The following NOTCH1 variants were observed in gnomAD, a reference collection of about 807,000 sequenced individuals.
NOTCH1 encodes the protein neurogenic locus notch homolog protein 1.
A neutral mutation model predicts 254.8 loss-of-function variants in NOTCH1; 37 were observed. The observed-to-expected ratio is 0.15, with a 90% CI of 0.11 to 0.19. The LOEUF (loss-of-function observed/expected upper bound fraction) is 0.19, where lower values mean the gene tolerates loss of function less well. Ranked by LOEUF, NOTCH1 falls within the 10% of genes least tolerant of loss-of-function variation. The pLI is 1.00. For missense variants in NOTCH1, 2,972 were observed against 3,708.6 expected, an observed-to-expected ratio of 0.80 and a Z score of 5.16; for synonymous variants, 1,731 against 1,618.1, an observed-to-expected ratio of 1.07 and a Z score of -1.68.
intron 31 of NOTCH1, 125 bp downstream of exon 31, chr9:136,500,427 C>A (rs1842977134): frequency 2.5e-6 from 3 of 1,195,816 alleles, no homozygotes; most frequent in Non-Finnish European, 3.6e-6. Context: ...GGTGGAGGCA[C>A]CAGTTGTCCC....
rs376982757 is a variant in NOTCH1, at chr9:136,517,254, G to A, written c.1555+18C>T. 4 of 1,522,498 alleles carry A rather than the reference G, an allele frequency of 2.6e-6. No individual in the cohort carries two copies. In the South Asian group the frequency reaches 4.7e-5, roughly 18 times the overall value. 94.3% of individuals were successfully genotyped at this position (1,522,498 alleles called of 1,614,324 possible). A position where few individuals can be genotyped will look rare whatever the true frequency, so the allele number is the denominator to read the frequency against. On this transcript the variant is annotated intron_variant, in intron 9 of 33. Transcript: ENST00000651671. ...GGGTGCAGACGACCCGGGGGCAGGG[G>A]GCGGGGGTGGCCCTCACCCGTGGGG...
intron 2 of NOTCH1, chr9:136,543,274 A>C (rs1843758586): frequency 9.5e-6 from 2 of 209,798 alleles, no homozygotes. Flanking sequence ...CTGTGCCTAG[A>C]GGAGGCATCA....
chr9:136,521,500 C>G (rs1006702564), intron 4 of NOTCH1, among the ~76,000 whole-genome samples: 4 of 152,174 alleles, frequency 2.6e-5, no homozygotes, highest in Non-Finnish European at 5.9e-5. Flanking sequence ...GCTCTGCACA[C>G]AGGTGGCCTT....
rs193221872 is a variant in NOTCH1 at position 136,539,452 on chromosome 9, G to A, written c.140+4572C>T. ...CACCCAGGCTGGAGTGCAGTGGCACGATCTCAGCTCACTGCAGCCTCCGTC... is the reference window on the plus strand; with the variant it reads ...CACCCAGGCTGGAGTGCAGTGGCACAATCTCAGCTCACTGCAGCCTCCGTC... On this transcript the variant is annotated intron_variant, in intron 2 of 33. Transcript: ENST00000651671. 1.2e-4 allele frequency among the ~76,000 whole-genome samples: 18 copies of A among 152,256 alleles called. No homozygotes were observed. In the East Asian group the frequency reaches 3.3e-3, roughly 28 times the overall value.
rs1172695418 is a variant in NOTCH1, at chr9:136,522,888, G to C, written c.704C>G (p.Pro235Arg). 6.5e-7 allele frequency: 1 copy of C among 1,532,294 alleles called. No homozygotes were observed. Among genetic ancestry groups the C allele is most frequent in the South Asian group, 1.2e-5 (1 of 82,918 alleles). The allele number at this position is 1,532,294 out of a possible 1,614,324, so 94.9% of individuals were successfully genotyped here. The change falls in exon 4 of 34, where the codon CCC (proline) becomes CGC (arginine). Residue 235 changes from proline (P) to arginine (R), a missense_variant. This residue lies in a region of NOTCH1 where 374 missense variants were observed against 496.3 expected (regional missense o/e 0.75). Coordinates refer to ENST00000651671, the MANE Select transcript of NOTCH1 (RefSeq NM_017617.5). ...ACACTCGTGGGTGACGTCGCCCGTG[G>C]GGCGGCAGGTGCCCCCGTTCTGGCA... Reference protein sequence around the residue: ...SPCQNGGTCRPTGDVTHECAC... With the variant: ...SPCQNGGTCRRTGDVTHECAC...
intron 27 of NOTCH1, chr9:136,502,780 T>C (rs1843019579): frequency 1.8e-6 from 1 of 569,458 alleles, no homozygotes; most frequent in Admixed American, 3.0e-5. Context: ...ACTGAGCTGT[T>C]AAGACAAAGG....
At chr9:136,532,935 C>T (rs1186905538) in intron 2 of NOTCH1, among the ~76,000 whole-genome samples, 3 of 152,236 alleles carry the variant, frequency 2.0e-5, no homozygotes, top group Non-Finnish European at 4.4e-5. Flanking sequence ...ACCCACCTGC[C>T]TCCACCTCCA....
intron 31 of NOTCH1, among the ~76,000 whole-genome samples, chr9:136,500,215 G>C (rs901632062): frequency 6.6e-6 from 1 of 152,204 alleles, no homozygotes. Flanking sequence ...GCGGGGCTGC[G>C]AGGGGCTGCA....
rs543361996 is a variant in NOTCH1, at chr9:136,504,589, C to T, written c.5018+84G>A. The T allele has an allele frequency of 6.3e-5, 86 of 1,363,158 alleles. 1 individual carries two copies. The East Asian group carries it at 1.2e-3, about 20-fold the overall frequency. The allele number at this position is 1,363,158 out of a possible 1,614,324, so 84.4% of individuals were successfully genotyped here. A position where few individuals can be genotyped will look rare whatever the true frequency, so the allele number is the denominator to read the frequency against. On this transcript the variant is annotated intron_variant, in intron 26 of 33. Coordinates refer to ENST00000651671, the MANE Select transcript of NOTCH1 (RefSeq NM_017617.5). ...GTGGGGAGAGTACTGCTTGCCATGG[C>T]GCCGGCCGTGAGGGGCAGGGAGGCC...
chr9:136,519,666 C>T, intron 4 of NOTCH1, 101 bp from the exon 5 acceptor site: 22 of 1,579,430 alleles, frequency 1.4e-5, no homozygotes, highest in East Asian at 2.2e-5. Flanking sequence ...CTGGCCTCCA[C>T]GGCCCTGCCC....
intron 2 of NOTCH1, among the ~76,000 whole-genome samples, chr9:136,532,539 A>G (rs1843578425): frequency 6.6e-6 from 1 of 152,138 alleles, no homozygotes. Context: ...GGTGGATGAC[A>G]CAGATGACAC....
At chr9:136,519,912 G>A (rs893267117) in intron 4 of NOTCH1, among the ~76,000 whole-genome samples, 2 of 152,210 alleles carry the variant, frequency 1.3e-5, no homozygotes, top group Non-Finnish European at 1.5e-5. Context: ...CAGGGGGGCC[G>A]CACACCCCAT....
In NOTCH1 at chr9:136,500,751, T is replaced by C. The variant is rs1363298001; in HGVS notation, c.5735A>G (p.Asp1912Gly). ...CAGGCTGGCGCCCTGGTAGATGAAG[T>C]CGGAGATGACGGCCGGCGCGTCCTC... ...EEEDAPAVIS[D>G]FIYQGASLHN... Residue 1912 changes from aspartate to glycine, a missense_variant, in exon 31 of 34, where the codon GAC becomes GGC. Physicochemically the swap from Asp to Gly is moderately conservative, Grantham distance 94. Coordinates refer to ENST00000651671, the MANE Select transcript of NOTCH1 (RefSeq NM_017617.5). 6.2e-7 allele frequency: 1 copy of C among 1,606,204 alleles called. No homozygotes were observed. Among genetic ancestry groups the C allele is most frequent in the Non-Finnish European group, 8.5e-7 (1 of 1,179,850 alleles).
chr9:136,522,765 C>T, intron 4 of NOTCH1, 85 bp downstream of exon 4: 1 of 1,301,950 alleles, frequency 7.7e-7, no homozygotes, highest in Non-Finnish European at 1.0e-6. Context: ...CCCAGGGCTG[C>T]CCCTACACCA....
chr9:136,538,334 A>T (rs1383371314), intron 2 of NOTCH1, among the ~76,000 whole-genome samples: 3 of 148,220 alleles, frequency 2.0e-5, no homozygotes, highest in African/African-American at 7.5e-5. Context: ...GCCTCGCCGC[A>T]GGGCCCACAG....
At position 136,505,870 on chromosome 9, in the gene NOTCH1, G is replaced by T. The variant is rs745417181; in HGVS notation, c.4026C>A (p.Gly1342=). 2 of 1,589,208 alleles carry T rather than the reference G, an allele frequency of 1.3e-6. No individual in the cohort carries two copies. The highest frequency in any genetic ancestry group is 2.2e-5 in the East Asian group (1 of 44,498). Residue 1342 remains glycine, a synonymous_variant, in exon 25 of 34, where the codon GGC becomes GGA. Coordinates refer to ENST00000651671, the MANE Select transcript of NOTCH1 (RefSeq NM_017617.5). ...FICKCPAGFE[G]ATCENDARTC... is the part of the protein sequence containing the mutation. ...TACGAGCGTCATTCTCACACGTGGC[G>T]CCCTCGAAGCCCTGCCCGAGAGGGA...
At chr9:136,507,845 G>A in intron 21 of NOTCH1, 110 bp downstream of exon 21, 3 of 1,126,646 alleles carry the variant, frequency 2.7e-6, no homozygotes, top group Non-Finnish European at 4.0e-6. Flanking sequence ...ACTGAACAGT[G>A]CATGGGCCTA....
At chr9:136,500,378 C>T (rs1001540260) in intron 31 of NOTCH1, among the ~76,000 whole-genome samples, 174 bp downstream of exon 31, 3 of 152,242 alleles carry the variant, frequency 2.0e-5, no homozygotes, top group East Asian at 1.9e-4. Context: ...ATGGGCCCGA[C>T]GCCCTCCCCC....
Position 136,498,929 on chromosome 9 carries a change from G to A in NOTCH1, c.6150C>T (p.Asn2050=), listed in dbSNP as rs757372588. 2.4e-5 allele frequency: 39 copies of A among 1,613,596 alleles called. No homozygotes were observed. The highest frequency in any genetic ancestry group is 3.3e-5 in the Admixed American group (2 of 60,010). ...NVDAAVVLLK[N]GANKDMQNNR... ...TGTTCTGCATATCTTTGTTAGCCCCGTTCTTCAGGAGCACAACTGCGGCAT... is the reference window on the plus strand; with the variant it reads ...TGTTCTGCATATCTTTGTTAGCCCCATTCTTCAGGAGCACAACTGCGGCAT... Residue 2050 remains asparagine, a synonymous_variant, in exon 33 of 34, where the codon AAC becomes AAT. Coordinates refer to ENST00000651671, the MANE Select transcript of NOTCH1 (RefSeq NM_017617.5).
Sources: allele counts gnomAD v4.1 joint callset (sites outside exome capture counted in the v4.1 genomes callset), GRCh38; gene constraint gnomAD v4.1.1; regional missense constraint gnomAD v4.1.1; transcripts MANE v1.5; gene names NCBI Gene and HGNC (gene_info 2026-07-23, HGNC 2026-07-21).